The following IQSEC1 variants were observed in gnomAD, a reference collection of about 807,000 sequenced individuals.
IQSEC1 encodes IQ motif and Sec7 domain ArfGEF 1, also known as IQ motif and SEC7 domain-containing protein 1.
A neutral mutation model predicts 91.0 loss-of-function variants in IQSEC1; 31 were observed. The observed-to-expected ratio is 0.34, with a 90% CI of 0.26 to 0.46. IQSEC1 has a LOEUF of 0.46. Among genes scored for constraint, IQSEC1 ranks in the 20% least tolerant of loss-of-function variants. IQSEC1 has a pLI of 1.00. For synonymous variants in IQSEC1, 699 were observed against 662.6 expected (o/e 1.05, Z -0.84); for missense variants, 1,388 against 1,575.6 (o/e 0.88, Z 2.02).
intron 1 of IQSEC1, among the ~76,000 whole-genome samples, chr3:13,031,923 G>A (rs1226304984): frequency 1.3e-5 from 2 of 152,128 alleles, no homozygotes. Context: ...CCAGCCCTCA[G>A]CAACCTCTGG....
chr3:13,108,444 G>T (rs1432696325), intron 2 of IQSEC1, among the ~76,000 whole-genome samples: 1 of 152,084 alleles, frequency 6.6e-6, no homozygotes, highest in East Asian at 1.9e-4. Context: ...GCAAGCGCCT[G>T]CACTGCCTTC....
rs538761671 is a variant in IQSEC1 at position 12,962,023 on chromosome 3, G to A, written c.24-20158C>T. On this transcript the variant is annotated intron_variant, in intron 1 of 13. Transcript: ENST00000613206. Reference sequence around the variant, plus strand: ...ATCTGCAAATGACTACAAGGATCAAGAGGCTCATTCTTCTTCTCACAGATG... The same window carrying A: ...ATCTGCAAATGACTACAAGGATCAAAAGGCTCATTCTTCTTCTCACAGATG... Among the ~76,000 whole-genome samples, 6 of 152,360 alleles carry A rather than the reference G, an allele frequency of 3.9e-5. No homozygotes were observed. The East Asian group carries it at 1.2e-3, about 29-fold the overall frequency.
chr3:12,973,166 G>C (rs1181067773), intron 1 of IQSEC1, among the ~76,000 whole-genome samples: 2 of 152,178 alleles, frequency 1.3e-5, no homozygotes, highest in Admixed American at 6.5e-5. Flanking sequence ...ACGTGACACT[G>C]AACTGCTCAG....
intron 1 of IQSEC1, among the ~76,000 whole-genome samples, chr3:12,943,681 T>G (rs2686745): frequency 0.23 from 35,572 of 152,058 alleles, 4,338 homozygotes; most frequent in Middle Eastern, 0.27. Context: ...CTGCTCTGCT[T>G]CTGTCTCTGC....
At chr3:13,069,050 C>G (rs71306038) in intron 1 of IQSEC1, among the ~76,000 whole-genome samples, 1 of 152,268 alleles carries the variant, frequency 6.6e-6, no homozygotes, top group African/African-American at 2.4e-5. Context: ...CCCAGTCTTT[C>G]TGAGTTATAA....
At chr3:12,942,626 A>G (rs528046069) in intron 1 of IQSEC1, among the ~76,000 whole-genome samples, 21 of 152,292 alleles carry the variant, frequency 1.4e-4, no homozygotes, top group African/African-American at 5.1e-4. Context: ...AAAAGCCCCA[A>G]TAATTAACAA....
At chr3:13,270,712 AG>A (rs1346212258) in intron 1 of IQSEC1, among the ~76,000 whole-genome samples, 1 of 152,250 alleles carries the variant, frequency 6.6e-6, no homozygotes, top group Non-Finnish European at 1.5e-5. Context: ...AAAAGAAGGT[AG>A]TAATGGAGGA....
chr3:12,944,994 G>A (rs984165306), intron 1 of IQSEC1, among the ~76,000 whole-genome samples: 2 of 152,232 alleles, frequency 1.3e-5, no homozygotes, highest in Non-Finnish European at 1.5e-5. Flanking sequence ...GCAGAGCAGG[G>A]CATCCTTCCC....
Position 12,899,244 on chromosome 3 carries a change from TCTC to T in IQSEC1, c.*1736_*1738del, listed in dbSNP as rs1365023970. 93 of 884,658 alleles carry T rather than the reference TCTC, an allele frequency of 1.1e-4. No individual in the cohort carries two copies. In the Middle Eastern group the frequency reaches 1.4e-3, roughly 13 times the overall value. 54.8% of individuals were successfully genotyped at this position (884,658 alleles called of 1,614,324 possible). On this transcript the variant is annotated 3_prime_UTR_variant, in exon 14 of 14. Coordinates refer to ENST00000613206, the MANE Select transcript of IQSEC1 (RefSeq NM_001134382.3). ...GACACACAGCCAGAGGGGGCTCCCCTCTCCTCCTGCCGTCCGGCCACGGCTCAC... is the reference window on the plus strand; with the variant it reads ...GACACACAGCCAGAGGGGGCTCCCCTCTCCTGCCGTCCGGCCACGGCTCAC...
chr3:13,084,675 T>C (rs1419927111), intron 2 of IQSEC1, among the ~76,000 whole-genome samples: 1 of 152,188 alleles, frequency 6.6e-6, no homozygotes, highest in African/African-American at 2.4e-5. Flanking sequence ...TGGGCAGAAC[T>C]GAGGACAGGG....
intron 1 of IQSEC1, among the ~76,000 whole-genome samples, chr3:13,072,745 A>G (rs1705478113): frequency 6.6e-6 from 1 of 152,226 alleles, no homozygotes; most frequent in South Asian, 2.1e-4. Flanking sequence ...ACCTGCTCTC[A>G]CAGTTGGGAA....
At chr3:12,941,184 T>C (rs1477460925) in intron 2 of IQSEC1, among the ~76,000 whole-genome samples, 2 of 152,198 alleles carry the variant, frequency 1.3e-5, no homozygotes. Context: ...AGAACCTCAG[T>C]GGCCGGCCAC....
chr3:13,078,105 C>A (rs190552622), upstream of IQSEC1, among the ~76,000 whole-genome samples: 1 of 152,146 alleles, frequency 6.6e-6, no homozygotes, highest in Admixed American at 6.5e-5. Context: ...CACGGGGCCA[C>A]GCTGGCTGGA....
rs1437149420 is a variant in IQSEC1 at position 13,207,079 on chromosome 3, AG to A, written c.273-42947del. On this transcript the variant is annotated intron_variant, in intron 1 of 15. Coordinates refer to the IQSEC1 transcript ENST00000648114. This position sits in a 1 kb window ranked among gnomAD's most constrained non-coding sequence, Gnocchi z 4.8. ...GCATCTGAGCTTCGTAGACCTGGGC[AG>A]GGCTGTTGGGAGTTGCTGGCCCTGA... Among the ~76,000 whole-genome samples, 2 of 152,140 alleles carry A rather than the reference AG, an allele frequency of 1.3e-5. No individual in the cohort carries two copies. Among genetic ancestry groups the A allele is most frequent in the African/African-American group, 4.8e-5 (2 of 41,428 alleles).
At chr3:13,169,595 G>T (rs1477421287) in intron 1 of IQSEC1, among the ~76,000 whole-genome samples, 1 of 152,228 alleles carries the variant, frequency 6.6e-6, no homozygotes, top group African/African-American at 2.4e-5. Flanking sequence ...GAATGGCTTT[G>T]CCCAAAATGC....
chr3:13,011,206 C>T (rs78346332), intron 1 of IQSEC1, among the ~76,000 whole-genome samples: 4,057 of 152,244 alleles, frequency 0.027, 85 homozygotes, highest in African/African-American at 0.053. Flanking sequence ...GAGCCCCAGG[C>T]GTACCAGCAG....
At position 13,107,936 on chromosome 3, in the gene IQSEC1, C is replaced by T. The variant is rs553730289; in HGVS notation, c.302+56168G>A. 3.9e-5 allele frequency among the ~76,000 whole-genome samples: 6 copies of T among 152,356 alleles called. No homozygotes were observed. The South Asian group carries it at 6.2e-4, about 16-fold the overall frequency. ...GGCCAGCCATGGCCTGAGTGAGCTCCGGACTCCAGCCCAGAGGGCGCCGGG... is the reference window on the plus strand; with the variant it reads ...GGCCAGCCATGGCCTGAGTGAGCTCTGGACTCCAGCCCAGAGGGCGCCGGG... On this transcript the variant is annotated intron_variant, in intron 2 of 15. Coordinates refer to the IQSEC1 transcript ENST00000648114.
rs1289561139 is a variant in IQSEC1, at chr3:12,909,206, G to C, written c.2578+67C>G. On this transcript the variant is annotated intron_variant, in intron 11 of 13. Coordinates refer to ENST00000613206, the MANE Select transcript of IQSEC1 (RefSeq NM_001134382.3). The surrounding 1 kb of genome is among the most constrained non-coding windows in gnomAD (Gnocchi z 4.9). ...CTGTGAGCTCAGAAGTCACTGCCCT[G>C]ACATGGGGAGGCAAGTGCCAGAGTC... is the stretch of plus-strand genomic sequence containing the variant. 6.5e-7 allele frequency: 1 copy of C among 1,543,688 alleles called. No individual in the cohort carries two copies. The highest frequency in any genetic ancestry group is 1.4e-5 in the African/African-American group (1 of 73,470).
intron 6 of IQSEC1, among the ~76,000 whole-genome samples, chr3:12,918,541 C>T (rs1249302466): frequency 6.6e-6 from 1 of 152,086 alleles, no homozygotes; most frequent in Non-Finnish European, 1.5e-5. Flanking sequence ...CCTGGCCAGG[C>T]ACGGTGGCTC....
Sources: gnomAD v4.1 joint callset for allele counts (sites outside exome capture counted in the v4.1 genomes callset) on GRCh38, gnomAD v4.1.1 for gene constraint, Gnocchi (gnomAD v3.1) non-coding constraint, MANE v1.5 for transcripts, NCBI Gene and HGNC (gene_info 2026-07-23, HGNC 2026-07-21) for gene names.